Variants in LARP1 observed in about 807,000 individuals in gnomAD.
The protein encoded by LARP1 is la-related protein 1.
In LARP1, 36 loss-of-function variants were observed where a neutral mutation model predicts 122.7. That is an observed-to-expected ratio of 0.29 (90% CI 0.22 to 0.39). The LOEUF is 0.39. Ranked by LOEUF, LARP1 falls within the 10% of genes least tolerant of loss-of-function variation. The pLI, the probability that LARP1 is intolerant of heterozygous loss-of-function variation, is 1.00. For missense variants in LARP1, 1,040 were observed against 1,403.6 expected, an observed-to-expected ratio of 0.74 and a Z score of 4.14; for synonymous variants, 539 against 528.7, an observed-to-expected ratio of 1.02 and a Z score of -0.27.
intron 1 of LARP1, among the ~76,000 whole-genome samples, chr5:154,691,802 T>A (rs1445882537): frequency 1.1e-4 from 1 of 9,068 alleles, no homozygotes; most frequent in South Asian, 2.9e-3. Flanking sequence ...CTTTTCGTTC[T>A]TTTTTTTTTT....
Position 154,703,120 on chromosome 5 carries a change from CAAAAAAAAAAAAA to C in LARP1, c.-180+20098_-180+20110del, listed in dbSNP as rs757446137. ...GGGGCAACAGAGTGAGACGCTGTCT[CAAAAAAAAAAAAA>C]AAAAAAAAAAAAAAGAGAGGACACT... is the stretch of plus-strand genomic sequence containing the variant. On this transcript the variant is annotated intron_variant, in intron 1 of 18. Transcript: ENST00000687700. Among the ~76,000 whole-genome samples, 214 of 38,798 alleles carry C rather than the reference CAAAAAAAAAAAAA, an allele frequency of 5.5e-3. 1 individual carries two copies. Among genetic ancestry groups the C allele is most frequent in the African/African-American group, 0.015 (195 of 12,654 alleles). The allele number at this position is 38,798 out of a possible 152,430, so 25.5% of individuals were successfully genotyped here.
upstream of LARP1, among the ~76,000 whole-genome samples, chr5:154,754,947 C>T (rs373258230): frequency 1.2e-4 from 19 of 152,298 alleles, no homozygotes; most frequent in African/African-American, 4.6e-4. Context: ...CTAAAGAGCA[C>T]GAGCAGGCCC....
chr5:154,745,377 T>G (rs1383970951), intron 1 of LARP1, among the ~76,000 whole-genome samples: 3 of 152,236 alleles, frequency 2.0e-5, no homozygotes, highest in African/African-American at 7.2e-5. Flanking sequence ...TGAAGAATGC[T>G]TCTCCTAACT....
chr5:154,774,984 T>G (rs1755753929), intron 1 of LARP1, among the ~76,000 whole-genome samples: 1 of 152,048 alleles, frequency 6.6e-6, no homozygotes, highest in African/African-American at 2.4e-5. Flanking sequence ...AGGAGGCCCT[T>G]TGAATGGTCG....
intron 1 of LARP1, chr5:154,756,556 G>A (rs1233080965): frequency 3.1e-6 from 3 of 955,750 alleles, no homozygotes; most frequent in African/African-American, 1.8e-5. Context: ...ACCTTCCTCT[G>A]GAAGCCCCTC....
At chr5:154,773,982 G>A (rs1365139370) in intron 1 of LARP1, among the ~76,000 whole-genome samples, 2 of 151,960 alleles carry the variant, frequency 1.3e-5, no homozygotes, top group African/African-American at 4.8e-5. Flanking sequence ...GGGCACAAGT[G>A]CCTCACACTA....
chr5:154,724,321 G>A (rs1756066690), intron 1 of LARP1, among the ~76,000 whole-genome samples: 2 of 152,166 alleles, frequency 1.3e-5, no homozygotes, highest in South Asian at 2.1e-4. Context: ...TTTACTGGAG[G>A]AGGAATCTAA....
Position 154,792,707 on chromosome 5 carries a change from G to C in LARP1, c.650G>C (p.Ser217Thr). Residue 217 changes from serine to threonine, a missense_variant, in exon 4 of 19, where the codon AGT becomes ACT. Physicochemically the swap from Ser to Thr is moderately conservative, Grantham distance 58 (BLOSUM62 1). This residue lies in a region of LARP1 where 257 missense variants were observed against 273.3 expected (regional missense o/e 0.94). Coordinates refer to ENST00000518297, the MANE Select transcript of LARP1 (RefSeq NM_033551.3). ...CAGGAGAAAGGAGAAGGGAGTGATA[G>C]TAAGGAGAGTCCAAAAACCAAATCA... ...KEQEKGEGSDSKESPKTKSDE... is the reference protein window; with the variant it reads ...KEQEKGEGSDTKESPKTKSDE... The C allele has an allele frequency of 1.9e-6, 3 of 1,614,204 alleles. No homozygotes were observed. In the South Asian group the frequency reaches 3.3e-5, roughly 18 times the overall value.
At position 154,796,114 on chromosome 5, in the gene LARP1, A is replaced by ATATATATTATATATATTTTATATATT. The variant is rs1561616196; in HGVS notation, c.1377+812_1377+837dup. On this transcript the variant is annotated intron_variant, in intron 8 of 18. Coordinates refer to ENST00000518297, the MANE Select transcript of LARP1 (RefSeq NM_033551.3). ...TATATTTTATATATTTATATATAGT[A>ATATATATTATATATATTTTATATATT]TATATATTATATATATTTTATATAT... Among the ~76,000 whole-genome samples the ATATATATTATATATATTTTATATATT allele has an allele frequency of 8.4e-5, 9 of 106,682 alleles. No individual in the cohort carries two copies. The South Asian group carries it at 9.2e-4, about 11-fold the overall frequency. 70.0% of individuals were successfully genotyped at this position (106,682 alleles called of 152,430 possible).
intron 1 of LARP1, among the ~76,000 whole-genome samples, chr5:154,787,578 T>G (rs879435109): frequency 6.6e-6 from 1 of 152,166 alleles, no homozygotes; most frequent in African/African-American, 2.4e-5. Context: ...CCCAGTAGTA[T>G]TTTAACAAAT....
chr5:154,805,842 T>C (rs1011887025), intron 14 of LARP1, 39 bp from the exon 15 acceptor site: 3 of 1,600,798 alleles, frequency 1.9e-6, no homozygotes, highest in South Asian at 2.2e-5. Flanking sequence ...GGGGCTGCTG[T>C]GGGGAACCTG....
At chr5:154,804,649 C>T (rs941049008) in intron 14 of LARP1, 1 of 409,504 alleles carries the variant, frequency 2.4e-6, no homozygotes, top group Non-Finnish European at 4.7e-6. Context: ...TCTGAGCCTA[C>T]TATGTCTTGG....
chr5:154,743,193 C>CA (rs1225937405), intron 1 of LARP1, among the ~76,000 whole-genome samples: 3 of 151,966 alleles, frequency 2.0e-5, no homozygotes, highest in African/African-American at 7.3e-5. Flanking sequence ...CCACCCTTAG[C>CA]AAAAAAATCC....
rs574353705 is a variant in LARP1 at position 154,730,536 on chromosome 5, A to C, written c.205+17406A>C. Among the ~76,000 whole-genome samples the C allele has an allele frequency of 4.2e-5, 6 of 143,206 alleles. No homozygotes were observed. The South Asian group carries it at 1.4e-3, about 33-fold the overall frequency. 93.9% of individuals were successfully genotyped at this position (143,206 alleles called of 152,430 possible). A position where few individuals can be genotyped will look rare whatever the true frequency, so the allele number is the denominator to read the frequency against. ...CGCCCAGGCTGGGGTGCAATGGCGC[A>C]ATCTCGGCTCACTGCAACCTCTGCC... On this transcript the variant is annotated intron_variant, in intron 1 of 18. Coordinates refer to the LARP1 transcript ENST00000336314.
intron 1 of LARP1, among the ~76,000 whole-genome samples, chr5:154,780,382 G>A (rs908269939): frequency 6.6e-6 from 1 of 152,220 alleles, no homozygotes; most frequent in African/African-American, 2.4e-5. Context: ...AGTTTTTCTT[G>A]ACAGTATCGG....
intron 1 of LARP1, among the ~76,000 whole-genome samples, chr5:154,742,039 A>C (rs1752913945): frequency 1.3e-5 from 2 of 152,194 alleles, no homozygotes; most frequent in Admixed American, 6.6e-5. Context: ...AATAGACCTA[A>C]AGATCCAAGT....
At chr5:154,714,627 T>C (rs761389549) in intron 1 of LARP1, among the ~76,000 whole-genome samples, 1 of 152,210 alleles carries the variant, frequency 6.6e-6, no homozygotes, top group Non-Finnish European at 1.5e-5. Flanking sequence ...GCCCCTTCTG[T>C]GCAGTCACTT....
Position 154,744,815 on chromosome 5 carries a change from T to C in LARP1, c.205+31685T>C, listed in dbSNP as rs1669071948. 1.5e-5 allele frequency among the ~76,000 whole-genome samples: 2 copies of C among 133,450 alleles called. 1 individual carries two copies. The highest frequency in any genetic ancestry group is 6.2e-5 in the African/African-American group (2 of 32,398). The allele number at this position is 133,450 out of a possible 152,430, so 87.5% of individuals were successfully genotyped here. ...ACTACGCCCGGCTAATTTTTTGTAT[T>C]TTTAGTAGAGACGGGGTTTCACCGT... On this transcript the variant is annotated intron_variant, in intron 1 of 18. Coordinates refer to the LARP1 transcript ENST00000336314.
chr5:154,686,043 G>A (rs1163470932), intron 1 of LARP1, among the ~76,000 whole-genome samples: 1 of 152,096 alleles, frequency 6.6e-6, no homozygotes, highest in Non-Finnish European at 1.5e-5. Flanking sequence ...TTTAAAATCT[G>A]CCCCCTACAC....
Sources: gnomAD v4.1 joint callset for allele counts (sites outside exome capture counted in the v4.1 genomes callset) on GRCh38, gnomAD v4.1.1 for gene constraint, gnomAD v4.1.1 regional missense constraint, MANE v1.5 for transcripts, NCBI Gene and HGNC (gene_info 2026-07-23, HGNC 2026-07-21) for gene names.